Variants in PHC3 observed in about 807,000 individuals in gnomAD.
PHC3 encodes polyhomeotic-like protein 3.
PHC3 carries 13 observed loss-of-function variants against 107.4 expected under a neutral mutation model. The observed-to-expected ratio is 0.12, with a 90% CI of 0.08 to 0.19. The LOEUF (loss-of-function observed/expected upper bound fraction) is 0.19. PHC3 is among the 10% of genes least tolerant of loss of function. The probability of loss-of-function intolerance (pLI) is 1.00; values close to 1 mark genes in which losing one functional copy is unlikely to be tolerated. For missense variants in PHC3, 992 were observed against 1,210.9 expected (o/e 0.82, Z 2.68); for synonymous variants, 456 against 427.4 (o/e 1.07, Z -0.83).
intron 12 of PHC3, 30 bp from the exon 13 acceptor site, chr3:170,102,964 A>C (rs1190027527): frequency 6.4e-7 from 1 of 1,571,454 alleles, no homozygotes; most frequent in East Asian, 2.3e-5. Context: ...AAAAATATTT[A>C]ATGATATATG....
chr3:170,113,477 G>T lies in PHC3; in HGVS notation c.2236C>A (p.Arg746=). ...ATCACCTGATTATCCAAAAGAGGCC[G>T]TTTTTTCACAGGCTGTTCTATTAGC... ...SLLIEQPVKK[R]PLLDNQVINS... Residue 746 remains arginine, a synonymous_variant, in exon 11 of 15, where the codon CGG becomes AGG. Transcript: ENST00000495893. 6 of 1,609,236 alleles carry T rather than the reference G, an allele frequency of 3.7e-6. No individual in the cohort carries two copies. The highest frequency in any genetic ancestry group is 2.7e-5 in the African/African-American group (2 of 74,820).
At chr3:170,168,695 G>A (rs370513677) in intron 4 of PHC3, among the ~76,000 whole-genome samples, 13 of 149,952 alleles carry the variant, frequency 8.7e-5, no homozygotes, top group South Asian at 6.3e-4. Flanking sequence ...CGGAGCTTGC[G>A]GTGAGCCGAG....
chr3:170,102,767 A>G, intron 13 of PHC3, 35 bp downstream of exon 13: 1 of 1,613,218 alleles, frequency 6.2e-7, no homozygotes, highest in Non-Finnish European at 8.5e-7. Flanking sequence ...ATTTCTGAAA[A>G]GGGTATTTTA....
intron 10 of PHC3, among the ~76,000 whole-genome samples, chr3:170,115,801 C>T (rs547387219): frequency 6.6e-6 from 1 of 152,096 alleles, no homozygotes; most frequent in South Asian, 2.1e-4. Flanking sequence ...GTTACCCAGT[C>T]AGTATGGAGC....
Position 170,129,509 on chromosome 3 carries a change from CTGA to C in PHC3, c.960_962del (p.His320del), listed in dbSNP as rs1560066503. On this transcript the variant is annotated inframe_deletion, in exon 8 of 15. Transcript: ENST00000495893. Reference sequence around the variant, plus strand: ...AAGGTGGTGAATGAAGAGGAATCTGCTGATGTTTTATTAGAGAATGAGGCTGAA... The same window carrying C: ...AAGGTGGTGAATGAAGAGGAATCTGCTGTTTTATTAGAGAATGAGGCTGAA... 1 of 1,613,544 alleles carries C rather than the reference CTGA, an allele frequency of 6.2e-7. No homozygotes were observed. Among genetic ancestry groups the C allele is most frequent in the Non-Finnish European group, 8.5e-7 (1 of 1,179,704 alleles).
At chr3:170,164,957 T>C (rs994963737) in intron 4 of PHC3, among the ~76,000 whole-genome samples, 1 of 152,210 alleles carries the variant, frequency 6.6e-6, no homozygotes, top group Non-Finnish European at 1.5e-5. Flanking sequence ...AACAGGTTCA[T>C]GTCAGAGAAG....
At chr3:170,144,298 G>GC (rs1308021660) in intron 6 of PHC3, among the ~76,000 whole-genome samples, 18 of 151,192 alleles carry the variant, frequency 1.2e-4, no homozygotes, top group Non-Finnish European at 4.4e-5. Context: ...CGGAGACGGT[G>GC]CCACTGTACT....
intron 6 of PHC3, among the ~76,000 whole-genome samples, chr3:170,143,852 T>C (rs1418621605): frequency 6.6e-6 from 1 of 152,162 alleles, no homozygotes; most frequent in Non-Finnish European, 1.5e-5. Context: ...CTCCTCCTAC[T>C]TTCTACCCCA....
chr3:170,153,055 C>T (rs918374663), intron 4 of PHC3, among the ~76,000 whole-genome samples: 1 of 152,108 alleles, frequency 6.6e-6, no homozygotes, highest in Non-Finnish European at 1.5e-5. Context: ...ACTATAAACC[C>T]TTTTTTGAAG....
chr3:170,107,319 T>C (rs1716738657), intron 11 of PHC3, among the ~76,000 whole-genome samples: 1 of 152,206 alleles, frequency 6.6e-6, no homozygotes, highest in South Asian at 2.1e-4. Context: ...GGGTGGGATA[T>C]GAATTTTGAT....
intron 9 of PHC3, 104 bp downstream of exon 9, chr3:170,122,487 C>T (rs1012791631): frequency 2.5e-6 from 3 of 1,213,530 alleles, no homozygotes; most frequent in African/African-American, 3.0e-5. Flanking sequence ...CCTGTAGTTC[C>T]AGCTACAAAA....
chr3:170,149,035 TG>T (rs776118692), intron 5 of PHC3, 50 bp downstream of exon 5: 6 of 1,524,064 alleles, frequency 3.9e-6, no homozygotes, highest in African/African-American at 1.4e-5. Flanking sequence ...AGAAACATTT[TG>T]ATCTCTCAAG....
chr3:170,107,677 AG>A (rs1305215344), intron 11 of PHC3, among the ~76,000 whole-genome samples: 1 of 136,914 alleles, frequency 7.3e-6, no homozygotes, highest in Non-Finnish European at 1.6e-5. Flanking sequence ...AATAAAAACT[AG>A]GCTTAAAAAT....
At chr3:170,105,465 T>C (rs1453116612) in intron 12 of PHC3, among the ~76,000 whole-genome samples, 3 of 152,228 alleles carry the variant, frequency 2.0e-5, no homozygotes, top group African/African-American at 7.2e-5. Flanking sequence ...AAGTAAGAAA[T>C]TCCCTAGATG....
chr3:170,117,574 T>A, intron 9 of PHC3, 98 bp from the exon 10 acceptor site: 1 of 1,231,640 alleles, frequency 8.1e-7, no homozygotes, highest in South Asian at 1.6e-5. Flanking sequence ...ACAGTTAATA[T>A]CTGGTACTTT....
chr3:170,098,143 G>A (rs146821374), intron 14 of PHC3, among the ~76,000 whole-genome samples: 135 of 152,238 alleles, frequency 8.9e-4, no homozygotes, highest in African/African-American at 3.1e-3. Context: ...AGGTAACAAT[G>A]CTAGTATCTA....
At position 170,097,122 on chromosome 3, in the gene PHC3, G is replaced by T; in HGVS notation, c.*108C>A. The T allele has an allele frequency of 1.9e-6, 2 of 1,026,172 alleles. No homozygotes were observed. Among genetic ancestry groups the T allele is most frequent in the Non-Finnish European group, 2.7e-6 (2 of 736,720 alleles). 63.6% of individuals were successfully genotyped at this position (1,026,172 alleles called of 1,614,324 possible). On this transcript the variant is annotated 3_prime_UTR_variant, in exon 15 of 15. Transcript: ENST00000495893. The surrounding 1 kb of genome is among the most constrained non-coding windows in gnomAD (Gnocchi z 4.1). ...TTGATGTGGAGATCCCAATGTGCTT[G>T]GCTATCCACCACAATAAGTGTCATA...
chr3:170,128,770 G>C lies in PHC3; in HGVS notation c.1702C>G (p.Gln568Glu). The C allele has an allele frequency of 6.2e-7, 1 of 1,613,966 alleles. No individual in the cohort carries two copies. The highest frequency in any genetic ancestry group is 8.5e-7 in the Non-Finnish European group (1 of 1,179,868). ...EELPAAEALV[Q>E]LPFQTLPPPQ... ...GGAGGAAGAGTCTGAAATGGCAACT[G>C]GACCAAAGCTTCTGCAGCTGGAAGT... The change falls in exon 8 of 15, where the codon CAG (glutamine) becomes GAG (glutamate). Residue 568 changes from glutamine to glutamate, a missense_variant. Physicochemically the swap from Gln to Glu is conservative, Grantham distance 29 (BLOSUM62 2). Around this residue, in one of 6 missense-constraint regions of PHC3, gnomAD observed 543 missense variants for 590.8 expected, o/e 0.92. Coordinates refer to ENST00000495893, the MANE Select transcript of PHC3 (RefSeq NM_024947.4).
At chr3:170,114,934 A>C (rs1405768759) in intron 10 of PHC3, among the ~76,000 whole-genome samples, 1 of 152,222 alleles carries the variant, frequency 6.6e-6, no homozygotes. Context: ...AAGTGAAATT[A>C]AAATTTACAG....
Sources: allele counts gnomAD v4.1 joint callset (sites outside exome capture counted in the v4.1 genomes callset), GRCh38; gene constraint gnomAD v4.1.1; regional missense constraint gnomAD v4.1.1; non-coding constraint Gnocchi (gnomAD v3.1); transcripts MANE v1.5; gene names NCBI Gene and HGNC (gene_info 2026-07-23, HGNC 2026-07-21).